The following SLC17A1 variants were observed in gnomAD, a reference collection of about 807,000 sequenced individuals.
The protein encoded by SLC17A1 is sodium-dependent phosphate transport protein 1.
Under a neutral mutation model 53.5 loss-of-function variants are expected in SLC17A1, and 51 were observed. That is an observed-to-expected ratio of 0.95 (90% CI 0.76 to 1.20). SLC17A1 has a LOEUF of 1.20. Ranked by LOEUF, SLC17A1 falls within the 50% of genes most tolerant of loss-of-function variation. The pLI is 0.00. For missense variants in SLC17A1, 538 were observed against 568.2 expected, an observed-to-expected ratio of 0.95 and a Z score of 0.54; for synonymous variants, 179 against 198.8, an observed-to-expected ratio of 0.90 and a Z score of 0.84.
the SLC17A1 span, chr6:25,776,505 G>T: frequency 1.4e-6 from 2 of 1,475,278 alleles, no homozygotes; most frequent in East Asian, 2.3e-5. Flanking sequence ...ATAAAGAAAA[G>T]CCACAAATGT....
the SLC17A1 span, among the ~76,000 whole-genome samples, chr6:25,758,250 G>A: frequency 2.0e-5 from 3 of 152,180 alleles, no homozygotes; most frequent in Non-Finnish European, 4.4e-5. Context: ...TTGAAGTGAC[G>A]GGGCAGTGCC....
chr6:25,732,411 G>A, the SLC17A1 span: 7 of 270,292 alleles, frequency 2.6e-5, no homozygotes, highest in South Asian at 3.4e-4. Context: ...TTTAACGGGT[G>A]TCTTTTTCCG....
intron 11 of SLC17A1, among the ~76,000 whole-genome samples, 194 bp downstream of exon 11, chr6:25,800,692 AATTG>A (rs1190933211): frequency 2.8e-4 from 43 of 152,298 alleles, no homozygotes; most frequent in African/African-American, 1.0e-3. Context: ...CAACATATCT[AATTG>A]ACAAATAATG....
At chr6:25,732,064 G>T in the SLC17A1 span, 3 of 1,226,380 alleles carry the variant, frequency 2.4e-6, no homozygotes, top group South Asian at 1.6e-5. Flanking sequence ...CTCTCTTTGC[G>T]GCATCTCTTG....
chr6:25,756,815 C>T, the SLC17A1 span, among the ~76,000 whole-genome samples: 31 of 152,276 alleles, frequency 2.0e-4, no homozygotes, highest in Non-Finnish European at 2.6e-4. Context: ...AATGAACTTG[C>T]GGCCAGTGAA....
chr6:25,781,524 G>A (rs1763268458), downstream of SLC17A1, among the ~76,000 whole-genome samples: 1 of 152,150 alleles, frequency 6.6e-6, no homozygotes, highest in Non-Finnish European at 1.5e-5. Context: ...CCTGAGGCTG[G>A]GTAACTTATG....
At chr6:25,731,442 GTGTT>G in the SLC17A1 span, among the ~76,000 whole-genome samples, 28 of 152,286 alleles carry the variant, frequency 1.8e-4, no homozygotes, top group Admixed American at 4.6e-4. Flanking sequence ...TCATCGTAGA[GTGTT>G]TGTAGTAGAA....
At chr6:25,754,706 C>T in the SLC17A1 span, 1 of 152,018 alleles carries the variant, frequency 6.6e-6, no homozygotes, top group East Asian at 1.9e-4. Context: ...TATTTACCTC[C>T]CAGAATTAGA....
At chr6:25,830,389 G>C (rs1272902602) in intron 2 of SLC17A1, 135 bp downstream of exon 2, 4 of 654,024 alleles carry the variant, frequency 6.1e-6, no homozygotes, top group Admixed American at 2.0e-5. Context: ...TAGTAGGACT[G>C]GTTTCTTCTA....
the SLC17A1 span, chr6:25,726,841 T>G: frequency 6.6e-7 from 1 of 1,517,884 alleles, no homozygotes; most frequent in Non-Finnish European, 8.9e-7. Context: ...GAAGAGCTGT[T>G]GAGCACTGGA....
the SLC17A1 span, chr6:25,732,713 G>A: frequency 1.5e-6 from 2 of 1,324,682 alleles, no homozygotes; most frequent in East Asian, 3.2e-5. Flanking sequence ...CAAGGAGCTC[G>A]ACAAGCTGCT....
the SLC17A1 span, among the ~76,000 whole-genome samples, chr6:25,755,046 CAT>C: frequency 1.2e-5 from 1 of 83,506 alleles, no homozygotes. Flanking sequence ...GACACACACA[CAT>C]ACACACACAC....
intron 12 of SLC17A1, among the ~76,000 whole-genome samples, chr6:25,794,032 T>G (rs1763556332): frequency 6.6e-6 from 1 of 152,188 alleles, no homozygotes; most frequent in Non-Finnish European, 1.5e-5. Context: ...TTTTGGGAAG[T>G]TCATAGCTGC....
intron 3 of SLC17A1, among the ~76,000 whole-genome samples, chr6:25,821,906 GA>G (rs34770320): frequency 0.073 from 11,026 of 152,024 alleles, 438 homozygotes; most frequent in Non-Finnish European, 0.087. Flanking sequence ...CCTCAGTAAG[GA>G]AAATGTATCC....
At chr6:25,731,816 G>A in the SLC17A1 span, 19 of 1,601,176 alleles carry the variant, frequency 1.2e-5, no homozygotes, top group South Asian at 1.9e-4. Context: ...TGACAGCCTT[G>A]GTGCCCTCCG....
At chr6:25,768,315 A>G in the SLC17A1 span, 1 of 947,076 alleles carries the variant, frequency 1.1e-6, no homozygotes, top group Non-Finnish European at 1.3e-6. Context: ...ATCATACATT[A>G]CCTCTGGGAT....
At chr6:25,724,731 T>C in the SLC17A1 span, among the ~76,000 whole-genome samples, 1 of 152,214 alleles carries the variant, frequency 6.6e-6, no homozygotes, top group African/African-American at 2.4e-5. Flanking sequence ...AATTCATCTG[T>C]TTAGGTTTGT....
At chr6:25,793,184 C>T (rs1763537680) in intron 12 of SLC17A1, among the ~76,000 whole-genome samples, 1 of 152,172 alleles carries the variant, frequency 6.6e-6, no homozygotes, top group Non-Finnish European at 1.5e-5. Context: ...GAGCTCACTC[C>T]CATCCCAGAT....
chr6:25,801,123 G>A (rs1004538487), intron 10 of SLC17A1, 143 bp from the exon 11 acceptor site: 3 of 608,632 alleles, frequency 4.9e-6, no homozygotes, highest in Non-Finnish European at 8.8e-6. Context: ...GTTAGAAAAA[G>A]TATATGAATA....
Sources: allele counts gnomAD v4.1 joint callset (sites outside exome capture counted in the v4.1 genomes callset), GRCh38; gene constraint gnomAD v4.1.1; transcripts MANE v1.5; gene names NCBI Gene and HGNC (gene_info 2026-07-23, HGNC 2026-07-21).